TENM4: variants seen among roughly 807,000 people sequenced by gnomAD.
The protein encoded by TENM4 is teneurin-4.
A neutral mutation model predicts 243.3 loss-of-function variants in TENM4; 82 were observed. The observed-to-expected ratio is 0.34, with a 90% CI of 0.28 to 0.40. The LOEUF (loss-of-function observed/expected upper bound fraction) is 0.40, where lower values mean the gene tolerates loss of function less well. Among genes scored for constraint, TENM4 ranks in the 10% least tolerant of loss-of-function variants. The pLI is 1.00. For missense variants in TENM4, 3,138 were observed against 3,673.3 expected (o/e 0.85, Z 3.77); for synonymous variants, 1,412 against 1,456.3 (o/e 0.97, Z 0.69).
chr11:79,326,051 C>A (rs949785858), intron 1 of TENM4, among the ~76,000 whole-genome samples: 3 of 152,238 alleles, frequency 2.0e-5, no homozygotes, highest in Non-Finnish European at 2.9e-5. Context: ...CCACCACCCC[C>A]AGAGAGCAAA....
At position 79,012,562 on chromosome 11, in the gene TENM4, A is replaced by G. The variant is rs550905905; in HGVS notation, c.493+52176T>C. 3.2e-4 allele frequency among the ~76,000 whole-genome samples: 49 copies of G among 152,338 alleles called. 1 individual carries two copies. Among genetic ancestry groups the G allele is most frequent in the Admixed American group, 9.1e-4 (14 of 15,304 alleles). On this transcript the variant is annotated intron_variant, in intron 6 of 33. Transcript: ENST00000278550. ...AAAGTGGGTGCTTAATAAATGCTCA[A>G]TCTGAACTTATCTCCAAGTTCTTGA... is the stretch of plus-strand genomic sequence containing the variant.
chr11:78,684,515 C>T (rs918432748), intron 29 of TENM4, among the ~76,000 whole-genome samples: 1 of 151,826 alleles, frequency 6.6e-6, no homozygotes, highest in Non-Finnish European at 1.5e-5. Flanking sequence ...CATCCCATTT[C>T]TCTCTCTCTC....
At chr11:78,967,456 A>C (rs1248447306) in intron 6 of TENM4, among the ~76,000 whole-genome samples, 2 of 152,194 alleles carry the variant, frequency 1.3e-5, no homozygotes, top group South Asian at 4.1e-4. Flanking sequence ...GGAGTCATGG[A>C]AATTTTTAAA....
intron 6 of TENM4, among the ~76,000 whole-genome samples, chr11:78,956,359 A>G (rs1857206381): frequency 6.6e-6 from 1 of 152,154 alleles, no homozygotes; most frequent in African/African-American, 2.4e-5. Flanking sequence ...GTCTATCAGG[A>G]AATGCTCCTT....
intron 2 of TENM4, among the ~76,000 whole-genome samples, chr11:79,275,848 C>T (rs1007377322): frequency 1.3e-5 from 2 of 152,216 alleles, no homozygotes; most frequent in Non-Finnish European, 2.9e-5. Flanking sequence ...CCTGTATAGA[C>T]AGGCCTCCTG....
intron 6 of TENM4, among the ~76,000 whole-genome samples, chr11:78,988,770 G>C (rs1421699953): frequency 2.0e-5 from 3 of 152,184 alleles, no homozygotes; most frequent in African/African-American, 7.2e-5. Context: ...CACCTTCCAG[G>C]CTCAAGCAAT....
intron 7 of TENM4, among the ~76,000 whole-genome samples, chr11:78,891,694 T>G (rs2136297796): frequency 6.6e-6 from 1 of 152,138 alleles, no homozygotes; most frequent in East Asian, 1.9e-4. Context: ...ATTCTACAGG[T>G]GAGGAAACTG....
chr11:79,344,109 A>G (rs535684836), intron 1 of TENM4, among the ~76,000 whole-genome samples: 1 of 152,310 alleles, frequency 6.6e-6, no homozygotes, highest in African/African-American at 2.4e-5. Flanking sequence ...CTACTCCCAG[A>G]CCTAGGTGGG....
At chr11:78,881,833 G>T (rs949384921) in intron 9 of TENM4, among the ~76,000 whole-genome samples, 3 of 152,186 alleles carry the variant, frequency 2.0e-5, no homozygotes, top group East Asian at 1.9e-4. Flanking sequence ...ACTGCAGAGA[G>T]CCATGCTGGT....
chr11:79,154,289 T>TGA (rs145233804), intron 3 of TENM4, among the ~76,000 whole-genome samples: 3 of 149,248 alleles, frequency 2.0e-5, no homozygotes, highest in East Asian at 3.9e-4. Context: ...AGAGAGGGAG[T>TGA]GAGAGAGAGA....
chr11:79,212,513 T>A (rs768250853), intron 3 of TENM4, among the ~76,000 whole-genome samples: 1 of 152,174 alleles, frequency 6.6e-6, no homozygotes, highest in African/African-American at 2.4e-5. Context: ...GTTAACCTAC[T>A]CAAATCCTTT....
intron 4 of TENM4, among the ~76,000 whole-genome samples, chr11:79,119,410 TC>T (rs141556499): frequency 0.039 from 5,957 of 151,848 alleles, 383 homozygotes; most frequent in African/African-American, 0.14. Flanking sequence ...TCATAACAAT[TC>T]CATACCCACT....
chr11:79,310,244 G>C (rs1452623078), intron 1 of TENM4, among the ~76,000 whole-genome samples: 1 of 152,192 alleles, frequency 6.6e-6, no homozygotes, highest in Non-Finnish European at 1.5e-5. Context: ...GTGGCATAAG[G>C]AGGTTGCAAG....
At chr11:79,335,042 C>G (rs1031285327) in intron 1 of TENM4, among the ~76,000 whole-genome samples, 36 of 152,224 alleles carry the variant, frequency 2.4e-4, no homozygotes, top group African/African-American at 8.4e-4. Context: ...AAAAATATTC[C>G]TGAAAACTCC....
intron 1 of TENM4, among the ~76,000 whole-genome samples, chr11:79,395,843 A>G (rs1315157421): frequency 6.6e-6 from 1 of 152,188 alleles, no homozygotes; most frequent in East Asian, 1.9e-4. Context: ...CCTGTTCTGG[A>G]ACTCTGTACT....
intron 18 of TENM4, among the ~76,000 whole-genome samples, 190 bp from the exon 19 acceptor site, chr11:78,757,211 T>G (rs759601302): frequency 5.3e-5 from 8 of 152,224 alleles, no homozygotes; most frequent in Non-Finnish European, 1.2e-4. Context: ...AGCTCACTAG[T>G]CTAGAAGGAG....
intron 1 of TENM4, among the ~76,000 whole-genome samples, chr11:79,384,840 C>T (rs1459243143): frequency 6.6e-6 from 1 of 151,790 alleles, no homozygotes; most frequent in Non-Finnish European, 1.5e-5. Flanking sequence ...GCAGGAGAAT[C>T]TCTTAAACCC....
chr11:79,285,195 G>T (rs1359455671), intron 2 of TENM4, among the ~76,000 whole-genome samples: 1 of 151,974 alleles, frequency 6.6e-6, no homozygotes, highest in Non-Finnish European at 1.5e-5. Context: ...CCAAGATCTT[G>T]TCACTGCACT....
chr11:79,051,760 C>A (rs1176890389), intron 6 of TENM4, among the ~76,000 whole-genome samples: 2 of 152,166 alleles, frequency 1.3e-5, no homozygotes, highest in Non-Finnish European at 2.9e-5. Context: ...CTTCCTGATG[C>A]TCTCCCTCCC....
Sources: gnomAD v4.1 joint callset for allele counts (sites outside exome capture counted in the v4.1 genomes callset) on GRCh38, gnomAD v4.1.1 for gene constraint, MANE v1.5 for transcripts, NCBI Gene and HGNC (gene_info 2026-07-23, HGNC 2026-07-21) for gene names.